RBFOX1: variants seen among roughly 807,000 people sequenced by gnomAD.
RBFOX1 encodes RNA binding protein fox-1 homolog 1.
In RBFOX1, 8 loss-of-function variants were observed where a neutral mutation model predicts 57.7. That is an observed-to-expected ratio of 0.14 (90% CI 0.08 to 0.25). The LOEUF is 0.25. Among genes scored for constraint, RBFOX1 ranks in the 10% least tolerant of loss-of-function variants. The pLI, the probability that RBFOX1 is intolerant of heterozygous loss-of-function variation, is 1.00. For missense variants in RBFOX1, 611 were observed against 548.5 expected (o/e 1.11, Z -1.14); for synonymous variants, 326 against 222.4 (o/e 1.47, Z -4.15).
At position 7,181,046 on chromosome 16, in the gene RBFOX1, T is replaced by C. The variant is rs533058992; in HGVS notation, c.27+128948T>C. On this transcript the variant is annotated intron_variant, in intron 4 of 15. Transcript: ENST00000550418. The stretch of plus-strand genomic sequence containing the variant: ...TTGCAGTAAATGTTTTTAACCACAG[T>C]CAGCGAGGCTGATTTGGTCCACAGG... Among the ~76,000 whole-genome samples the C allele has an allele frequency of 5.5e-4, 83 of 152,286 alleles. 1 individual carries two copies. The highest frequency in any genetic ancestry group is 1.7e-3 in the African/African-American group (72 of 41,554).
At chr16:7,553,678 C>A (rs1053210154) in intron 5 of RBFOX1, among the ~76,000 whole-genome samples, 1 of 152,182 alleles carries the variant, frequency 6.6e-6, no homozygotes, top group Non-Finnish European at 1.5e-5. Context: ...TACCAAGATG[C>A]AGCTGTGTCC....
At chr16:6,883,029 A>G (rs9938369) in intron 3 of RBFOX1, among the ~76,000 whole-genome samples, 41,065 of 152,116 alleles carry the variant, frequency 0.27, 5,787 homozygotes, top group African/African-American at 0.34. Context: ...TATTCTAGAT[A>G]ACCCATATGT....
At chr16:6,407,871 A>T (rs1419966429) in intron 2 of RBFOX1, among the ~76,000 whole-genome samples, 1 of 152,096 alleles carries the variant, frequency 6.6e-6, no homozygotes, top group Non-Finnish European at 1.5e-5. Context: ...GTAGATCCCC[A>T]CTATGTTCTG....
intron 5 of RBFOX1, among the ~76,000 whole-genome samples, chr16:7,524,568 G>T (rs140252071): frequency 1.3e-5 from 2 of 152,054 alleles, no homozygotes; most frequent in South Asian, 4.1e-4. Flanking sequence ...TATTTTTAAC[G>T]CTTCTGCAGT....
At chr16:7,115,211 A>T (rs941129595) in intron 4 of RBFOX1, among the ~76,000 whole-genome samples, 2 of 152,164 alleles carry the variant, frequency 1.3e-5, no homozygotes, top group African/African-American at 4.8e-5. Flanking sequence ...ATGAAAATGG[A>T]TGTAAGTAAG....
At chr16:6,589,585 A>T (rs2097681790) in intron 2 of RBFOX1, among the ~76,000 whole-genome samples, 1 of 152,206 alleles carries the variant, frequency 6.6e-6, no homozygotes, top group African/African-American at 2.4e-5. Context: ...TAGTGGTGTT[A>T]TCCCAGGAGC....
chr16:7,530,008 C>CAAAAA (rs35251344), intron 5 of RBFOX1, among the ~76,000 whole-genome samples: 19 of 125,030 alleles, frequency 1.5e-4, no homozygotes, highest in African/African-American at 3.6e-4. Context: ...GACTCCATCT[C>CAAAAA]AAAAAAAAAA....
At chr16:7,025,193 T>C (rs1227991382) in intron 3 of RBFOX1, among the ~76,000 whole-genome samples, 2 of 152,142 alleles carry the variant, frequency 1.3e-5, no homozygotes, top group Admixed American at 6.5e-5. Flanking sequence ...CTTGATGATA[T>C]GCTAAACAAG....
chr16:7,176,878 G>C (rs527853264), intron 4 of RBFOX1, among the ~76,000 whole-genome samples: 1 of 152,270 alleles, frequency 6.6e-6, no homozygotes, highest in East Asian at 1.9e-4. Context: ...AGCAGGAATG[G>C]GGGGAGAGGA....
At chr16:5,989,691 T>G (rs75104887) in intron 4 of RBFOX1, among the ~76,000 whole-genome samples, 15,412 of 151,780 alleles carry the variant, frequency 0.1, 1,284 homozygotes, top group East Asian at 0.43. Flanking sequence ...TAAATTTCTC[T>G]GGGGGTGGGG....
intron 4 of RBFOX1, among the ~76,000 whole-genome samples, chr16:7,379,363 C>T (rs993259268): frequency 6.6e-6 from 1 of 152,134 alleles, no homozygotes; most frequent in Non-Finnish European, 1.5e-5. Flanking sequence ...GACAAAAATA[C>T]TTCAGTAATA....
At chr16:7,543,003 C>T (rs375542901) in intron 5 of RBFOX1, among the ~76,000 whole-genome samples, 5 of 152,090 alleles carry the variant, frequency 3.3e-5, no homozygotes, top group East Asian at 1.9e-4. Context: ...CCCTGTCCAC[C>T]GCTCTAGGTT....
At chr16:5,950,865 G>C (rs767399986) in intron 4 of RBFOX1, among the ~76,000 whole-genome samples, 17 of 152,070 alleles carry the variant, frequency 1.1e-4, no homozygotes, top group African/African-American at 4.1e-4. Context: ...CCAGGAGAGA[G>C]GGAGCTAGGG....
At chr16:6,823,700 T>G (rs2091704426) in intron 3 of RBFOX1, among the ~76,000 whole-genome samples, 1 of 152,206 alleles carries the variant, frequency 6.6e-6, no homozygotes. Flanking sequence ...TTTCATTCAT[T>G]TGTTCATTCA....
intron 4 of RBFOX1, among the ~76,000 whole-genome samples, chr16:7,475,648 C>G (rs1354742728): frequency 6.6e-6 from 1 of 152,020 alleles, no homozygotes; most frequent in Non-Finnish European, 1.5e-5. Context: ...TAGCTAAGAT[C>G]ATGTTTCTGG....
intron 4 of RBFOX1, among the ~76,000 whole-genome samples, chr16:7,191,956 C>T (rs1398902522): frequency 6.6e-6 from 1 of 152,266 alleles, no homozygotes; most frequent in East Asian, 1.9e-4. Context: ...TTTCCTGAGC[C>T]GTCTCCCTCT....
intron 3 of RBFOX1, among the ~76,000 whole-genome samples, chr16:6,989,652 A>T (rs1325900031): frequency 2.6e-5 from 4 of 152,196 alleles, no homozygotes. Context: ...ATAAAGAAAC[A>T]AAGGAACAGA....
intron 4 of RBFOX1, among the ~76,000 whole-genome samples, chr16:7,430,708 G>A (rs1014158623): frequency 1.3e-5 from 2 of 151,264 alleles, no homozygotes; most frequent in Non-Finnish European, 2.9e-5. Flanking sequence ...ATCAAGAGTT[G>A]CCAGCATGGC....
chr16:5,957,620 C>G (rs2059670919), intron 4 of RBFOX1, among the ~76,000 whole-genome samples: 1 of 152,170 alleles, frequency 6.6e-6, no homozygotes, highest in Non-Finnish European at 1.5e-5. Flanking sequence ...TCTTCAATCA[C>G]TTGCATGATG....
Sources: gnomAD v4.1 joint callset for allele counts (sites outside exome capture counted in the v4.1 genomes callset) on GRCh38, gnomAD v4.1.1 for gene constraint, MANE v1.5 for transcripts, NCBI Gene and HGNC (gene_info 2026-07-23, HGNC 2026-07-21) for gene names.